Variants in ZNF804B observed in about 807,000 individuals in gnomAD.
ZNF804B encodes zinc finger protein 804B.
A neutral mutation model predicts 101.4 loss-of-function variants in ZNF804B; 80 were observed. The ratio of observed to expected loss-of-function variants is 0.79; its 90% CI spans 0.66 to 0.95. The LOEUF (loss-of-function observed/expected upper bound fraction) is 0.95. Among genes scored for constraint, ZNF804B ranks in the 40% least tolerant of loss-of-function variants. ZNF804B has a pLI of 0.00. For synonymous variants in ZNF804B, 622 were observed against 558.8 expected, an observed-to-expected ratio of 1.11 and a Z score of -1.59; for missense variants, 1,673 against 1,561.9, an observed-to-expected ratio of 1.07 and a Z score of -1.20.
At chr7:89,253,411 T>C (rs1789572741) in intron 2 of ZNF804B, among the ~76,000 whole-genome samples, 1 of 152,118 alleles carries the variant, frequency 6.6e-6, no homozygotes, top group East Asian at 1.9e-4. Context: ...TAGGTATAAG[T>C]AGAGATGCTA....
At position 89,337,030 on chromosome 7, in the gene ZNF804B, T is replaced by G; in HGVS notation, c.4048T>G (p.Ter1350GluextTer1). Reference sequence around the variant, plus strand: ...CTTAAATGTGTCCACACACTTGAACTAATAAGTGTTAAAGCCCCTCCTGTG... The same window carrying G: ...CTTAAATGTGTCCACACACTTGAACGAATAAGTGTTAAAGCCCCTCCTGTG... ...EALNVSTHLN[*>E] Residue 1350 changes from the stop codon to glutamate (E), a stop_lost, in exon 4 of 4, where the codon TAA (stop) becomes GAA (glutamate). Coordinates refer to ENST00000333190, the MANE Select transcript of ZNF804B (RefSeq NM_181646.5). 1 of 1,611,550 alleles carries G rather than the reference T, an allele frequency of 6.2e-7. No individual in the cohort carries two copies. The highest frequency in any genetic ancestry group is 8.5e-7 in the Non-Finnish European group (1 of 1,178,332).
chr7:89,316,578 GT>G (rs1373245765), intron 2 of ZNF804B, among the ~76,000 whole-genome samples: 1 of 152,080 alleles, frequency 6.6e-6, no homozygotes, highest in African/African-American at 2.4e-5. Context: ...TTCCACTTAG[GT>G]TATGGAAAAT....
intron 1 of ZNF804B, among the ~76,000 whole-genome samples, chr7:89,013,354 C>T (rs2116197776): frequency 6.6e-6 from 1 of 152,256 alleles, no homozygotes; most frequent in African/African-American, 2.4e-5. Context: ...ATATACTTCA[C>T]TTAAAAATGA....
At chr7:88,931,117 C>A (rs553896436) in intron 1 of ZNF804B, among the ~76,000 whole-genome samples, 1 of 151,958 alleles carries the variant, frequency 6.6e-6, no homozygotes, top group East Asian at 1.9e-4. Context: ...CATTGACGTT[C>A]TTGCAAAAGT....
chr7:89,259,282 C>T (rs1417599495), intron 2 of ZNF804B, among the ~76,000 whole-genome samples: 1 of 152,090 alleles, frequency 6.6e-6, no homozygotes, highest in Non-Finnish European at 1.5e-5. Flanking sequence ...ATCTTGTAAC[C>T]TTGCACCCCA....
intron 1 of ZNF804B, among the ~76,000 whole-genome samples, chr7:88,952,872 G>T (rs2116072092): frequency 6.6e-6 from 1 of 151,868 alleles, no homozygotes; most frequent in Admixed American, 6.6e-5. Flanking sequence ...ACATTGAATG[G>T]ATACATGGAA....
At chr7:89,225,315 C>G (rs1034725561) in intron 2 of ZNF804B, among the ~76,000 whole-genome samples, 2 of 152,034 alleles carry the variant, frequency 1.3e-5, no homozygotes, top group African/African-American at 4.8e-5. Context: ...CAAGTCAGGG[C>G]TTTCTGTGTT....
At chr7:89,032,042 T>C (rs1462759343) in intron 1 of ZNF804B, among the ~76,000 whole-genome samples, 2 of 152,158 alleles carry the variant, frequency 1.3e-5, no homozygotes, top group Non-Finnish European at 2.9e-5. Context: ...TTTGCAAGCT[T>C]TCCTTTTTGG....
At chr7:89,051,011 A>T (rs1039493014) in intron 1 of ZNF804B, among the ~76,000 whole-genome samples, 2 of 152,008 alleles carry the variant, frequency 1.3e-5, no homozygotes, top group Non-Finnish European at 2.9e-5. Context: ...TGTATTATGG[A>T]TATCACTCCT....
In ZNF804B at chr7:88,932,199, G is replaced by A. The variant is rs189194640; in HGVS notation, c.108+172115G>A. ...TATTAAGCTGAGGGAAACTTGGCAA[G>A]GTCTGTGCATTCAGATCCCTCTCAG... On this transcript the variant is annotated intron_variant, in intron 1 of 3. Coordinates refer to ENST00000333190, the MANE Select transcript of ZNF804B (RefSeq NM_181646.5). Among the ~76,000 whole-genome samples, 413 of 151,852 alleles carry A rather than the reference G, an allele frequency of 2.7e-3. 2 individuals carry two copies. Among genetic ancestry groups the A allele is most frequent in the Non-Finnish European group, 4.3e-3 (290 of 67,778 alleles).
At chr7:89,279,238 A>G (rs1435932455) in intron 2 of ZNF804B, among the ~76,000 whole-genome samples, 4 of 152,142 alleles carry the variant, frequency 2.6e-5, no homozygotes, top group East Asian at 1.9e-4. Context: ...TTATCAGCTT[A>G]AGGAGATTTT....
At chr7:88,938,388 T>C (rs1407573704) in intron 1 of ZNF804B, among the ~76,000 whole-genome samples, 2 of 152,216 alleles carry the variant, frequency 1.3e-5, no homozygotes, top group East Asian at 3.9e-4. Flanking sequence ...GCTTCTTTTA[T>C]AGATGCATGT....
At chr7:89,064,051 G>A (rs1210803869) in intron 1 of ZNF804B, among the ~76,000 whole-genome samples, 1 of 152,148 alleles carries the variant, frequency 6.6e-6, no homozygotes, top group Non-Finnish European at 1.5e-5. Flanking sequence ...ACAGAGTTTA[G>A]CGTTCAGAAT....
intron 1 of ZNF804B, among the ~76,000 whole-genome samples, chr7:89,023,203 T>C (rs530765893): frequency 2.6e-4 from 39 of 152,226 alleles, no homozygotes; most frequent in Non-Finnish European, 4.9e-4. Context: ...AAATGCAATT[T>C]CCAACAGTTA....
chr7:88,794,753 C>A, intron 1 of ZNF804B: 2 of 1,613,480 alleles, frequency 1.2e-6, no homozygotes, highest in Non-Finnish European at 1.7e-6. Flanking sequence ...TCAGCAACAT[C>A]TTTTCTTTCT....
At chr7:88,762,700 CTTT>C (rs5885636) in intron 1 of ZNF804B, among the ~76,000 whole-genome samples, 3 of 142,126 alleles carry the variant, frequency 2.1e-5, no homozygotes, top group Non-Finnish European at 1.5e-5. Flanking sequence ...GCTACTCTGA[CTTT>C]TTTTTTTTTT....
At position 88,954,446 on chromosome 7, in the gene ZNF804B, T is replaced by C. The variant is rs56325621; in HGVS notation, c.108+194362T>C. On this transcript the variant is annotated intron_variant, in intron 1 of 3. Coordinates refer to ENST00000333190, the MANE Select transcript of ZNF804B (RefSeq NM_181646.5). ...CATTGTTTTAATGAATAGAATCCTTTAAGCTAACTTTGAGGGATGTGTATC... is the reference window on the plus strand; with the variant it reads ...CATTGTTTTAATGAATAGAATCCTTCAAGCTAACTTTGAGGGATGTGTATC... 3.2e-3 allele frequency among the ~76,000 whole-genome samples: 481 copies of C among 151,840 alleles called. 4 individuals carry two copies. The highest frequency in any genetic ancestry group is 0.011 in the African/African-American group (459 of 41,506).
chr7:89,155,990 T>C (rs1477451233), intron 1 of ZNF804B, among the ~76,000 whole-genome samples: 5 of 127,358 alleles, frequency 3.9e-5, no homozygotes, highest in Non-Finnish European at 7.0e-5. Flanking sequence ...TTCCTTCCTT[T>C]CCTTCTTTCT....
chr7:89,237,468 T>C (rs563629697), intron 2 of ZNF804B, among the ~76,000 whole-genome samples: 1 of 152,340 alleles, frequency 6.6e-6, no homozygotes, highest in African/African-American at 2.4e-5. Flanking sequence ...GATGTGATGA[T>C]GATGATGAGT....
Sources: allele counts gnomAD v4.1 joint callset (sites outside exome capture counted in the v4.1 genomes callset), GRCh38; gene constraint gnomAD v4.1.1; transcripts MANE v1.5; gene names NCBI Gene and HGNC (gene_info 2026-07-23, HGNC 2026-07-21).